KIF1B: variants seen among roughly 807,000 people sequenced by gnomAD.
KIF1B encodes the protein kinesin-like protein KIF1B.
Under a neutral mutation model 241.9 loss-of-function variants are expected in KIF1B, and 76 were observed. The observed-to-expected ratio is 0.31, with a 90% CI of 0.26 to 0.38. The LOEUF (loss-of-function observed/expected upper bound fraction) is 0.38, where lower values mean the gene tolerates loss of function less well. Among genes scored for constraint, KIF1B ranks in the 10% least tolerant of loss-of-function variants. The pLI is 1.00. For missense variants in KIF1B, 1,622 were observed against 2,271.4 expected (o/e 0.71, Z 5.81); for synonymous variants, 750 against 796.7 (o/e 0.94, Z 0.99).
At chr1:10,370,556 C>T (rs1638700789) in intron 44 of KIF1B, among the ~76,000 whole-genome samples, 1 of 148,000 alleles carries the variant, frequency 6.8e-6, no homozygotes, top group Non-Finnish European at 1.5e-5. Context: ...ATAGCAAGAC[C>T]TTATCTCGAA....
rs1004120665 is a variant in KIF1B, at chr1:10,303,007, GT to G, written c.2115+5769del. ...TAATAGACTTCCACATTATTGAGGG[GT>G]TTTTTTTGGTTTTGTTTTGTTTTTT... On this transcript the variant is annotated intron_variant, in intron 22 of 48. Coordinates refer to ENST00000676179, the MANE Select transcript of KIF1B (RefSeq NM_001365951.3). The surrounding 1 kb of genome is among the most constrained non-coding windows in gnomAD (Gnocchi z 5.2). Among the ~76,000 whole-genome samples the G allele has an allele frequency of 1.3e-5, 2 of 151,576 alleles. No homozygotes were observed. Among genetic ancestry groups the G allele is most frequent in the African/African-American group, 4.8e-5 (2 of 41,328 alleles).
chr1:10,304,680 G>A, intron 22 of KIF1B: 1 of 1,611,868 alleles, frequency 6.2e-7, no homozygotes, highest in Non-Finnish European at 8.5e-7. Flanking sequence ...AATCATGGTG[G>A]AAGAAACAGA....
In KIF1B at chr1:10,337,285, T is replaced by C. The variant is rs535392246; in HGVS notation, c.3259+82T>C. 8 of 1,611,726 alleles carry C rather than the reference T, an allele frequency of 5.0e-6. No homozygotes were observed. The East Asian group carries it at 1.8e-4, about 36-fold the overall frequency. On this transcript the variant is annotated intron_variant, in intron 30 of 48. Transcript: ENST00000676179. This position sits in a 1 kb window ranked among gnomAD's most constrained non-coding sequence, Gnocchi z 4.0. The stretch of plus-strand genomic sequence containing the variant: ...ACCATTATCAAGGGACATAGTGGCC[T>C]TCATCAACTAGGAATGGAAAGCATG...
At chr1:10,340,419 C>T (rs888993089) in intron 32 of KIF1B, among the ~76,000 whole-genome samples, 4 of 152,182 alleles carry the variant, frequency 2.6e-5, no homozygotes. Flanking sequence ...ATCACAATAG[C>T]TAATATTCAC....
intron 34 of KIF1B, among the ~76,000 whole-genome samples, chr1:10,344,549 A>G (rs1039928140): frequency 2.0e-5 from 3 of 152,134 alleles, no homozygotes; most frequent in Non-Finnish European, 4.4e-5. Context: ...TTGCAATAGT[A>G]TTTTTAATTT....
intron 38 of KIF1B, among the ~76,000 whole-genome samples, chr1:10,357,720 T>G (rs1638291629): frequency 6.8e-6 from 1 of 147,002 alleles, no homozygotes; most frequent in African/African-American, 2.5e-5. Context: ...TGTCTAAAAA[T>G]AAAATAGGCC....
At chr1:10,367,255 CT>C (rs1461462208) in intron 43 of KIF1B, among the ~76,000 whole-genome samples, 3 of 151,402 alleles carry the variant, frequency 2.0e-5, no homozygotes, top group Non-Finnish European at 4.4e-5. Flanking sequence ...GCCACCACAC[CT>C]GGCTAATTTT....
In KIF1B at chr1:10,365,088, C is replaced by T. The variant is rs1638530251; in HGVS notation, c.4367-12C>T. 3 of 1,612,344 alleles carry T rather than the reference C, an allele frequency of 1.9e-6. No individual in the cohort carries two copies. The highest frequency in any genetic ancestry group is 2.5e-6 in the Non-Finnish European group (3 of 1,179,190). ...TTTTTCTGAAACAAAAACTTGTTTC[C>T]TCTTGTCTTAGGTATGCAGAGAAGG... On this transcript the variant is annotated splice_polypyrimidine_tract_variant and intron_variant, in intron 41 of 48. Coordinates refer to ENST00000676179, the MANE Select transcript of KIF1B (RefSeq NM_001365951.3). The surrounding 1 kb of genome is among the most constrained non-coding windows in gnomAD (Gnocchi z 4.0).
chr1:10,358,640 G>C (rs902937615), intron 38 of KIF1B, among the ~76,000 whole-genome samples: 1 of 144,452 alleles, frequency 6.9e-6, no homozygotes, highest in Non-Finnish European at 1.5e-5. Context: ...CCAAGATCAT[G>C]CCACCCTACT....
chr1:10,365,253 G>A lies in KIF1B; in HGVS notation c.4512+8G>A, dbSNP rs1203024685. The stretch of plus-strand genomic sequence containing the variant: ...CTGGAGCTCCTACATGAGGTATCCA[G>A]GGGCAGGGTTGTTCAGATGCAAGAA... On this transcript the variant is annotated splice_region_variant and intron_variant, in intron 42 of 48. Coordinates refer to ENST00000676179, the MANE Select transcript of KIF1B (RefSeq NM_001365951.3). This position sits in a 1 kb window ranked among gnomAD's most constrained non-coding sequence, Gnocchi z 4.0. 5 of 1,613,836 alleles carry A rather than the reference G, an allele frequency of 3.1e-6. No homozygotes were observed. The Admixed American group carries it at 5.0e-5, about 16-fold the overall frequency.
Position 10,210,618 on chromosome 1 carries a change from T to C in KIF1B, c.-340T>C, listed in dbSNP as rs1237172114. Among the ~76,000 whole-genome samples the C allele has an allele frequency of 6.6e-6, 1 of 151,618 alleles. No homozygotes were observed. The highest frequency in any genetic ancestry group is 2.4e-5 in the African/African-American group (1 of 41,352). On this transcript the variant is annotated 5_prime_UTR_variant, in exon 1 of 49. Coordinates refer to ENST00000676179, the MANE Select transcript of KIF1B (RefSeq NM_001365951.3). This position sits in a 1 kb window ranked among gnomAD's most constrained non-coding sequence, Gnocchi z 4.1. ...AGGCGCCCGCGCGCGTCGGAGCAGC[T>C]CCCCGTCCTCCGCAGCCGTCACCGC...
chr1:10,354,906 A>C (rs1250510044), intron 38 of KIF1B, among the ~76,000 whole-genome samples: 7 of 152,218 alleles, frequency 4.6e-5, no homozygotes, highest in Admixed American at 1.3e-4. Context: ...TTTAAAGTTG[A>C]ACTTACCTGC....
intron 36 of KIF1B, 113 bp from the exon 37 acceptor site, chr1:10,348,536 A>G: frequency 1.3e-6 from 1 of 781,128 alleles, no homozygotes; most frequent in South Asian, 1.5e-5. Context: ...CCGTCTTTCC[A>G]CACCTCTCCT....
At chr1:10,311,952 G>A (rs772853560) in intron 22 of KIF1B, among the ~76,000 whole-genome samples, 22 of 151,426 alleles carry the variant, frequency 1.5e-4, no homozygotes, top group Non-Finnish European at 2.8e-4. Flanking sequence ...GGTAGGTATT[G>A]CTTATTCCCT....
rs1648567363 is a variant in KIF1B, at chr1:10,268,045, T to TAATA, written c.609-105_609-104insTAAA. The TAATA allele has an allele frequency of 3.9e-6, 3 of 778,832 alleles. No individual in the cohort carries two copies. In the Admixed American group the frequency reaches 6.0e-5, roughly 16 times the overall value. 48.2% of individuals were successfully genotyped at this position (778,832 alleles called of 1,614,324 possible). On this transcript the variant is annotated intron_variant, in intron 6 of 48. Coordinates refer to ENST00000676179, the MANE Select transcript of KIF1B (RefSeq NM_001365951.3). ...CAATCTTGCAATCTGTGAATAAGTT[T>TAATA]AAGACTATTGCTTGTGATTGTTATG...
chr1:10,309,059 C>G (rs1341027246), intron 22 of KIF1B, among the ~76,000 whole-genome samples: 3 of 152,068 alleles, frequency 2.0e-5, no homozygotes, highest in African/African-American at 7.2e-5. Flanking sequence ...TTTTCTTCAC[C>G]CAGAGTATTG....
rs199611419 is a variant in KIF1B, at chr1:10,365,540, G to A, written c.4644G>A (p.Gln1548=). Residue 1548 remains glutamine, a synonymous_variant, in exon 43 of 49, where the codon CAG becomes CAA. Coordinates refer to ENST00000676179, the MANE Select transcript of KIF1B (RefSeq NM_001365951.3). The surrounding 1 kb of genome is among the most constrained non-coding windows in gnomAD (Gnocchi z 4.0). ...TLSTSTSISS[Q]ISTTTFESAI... ...GCACCTCCACCAGTATCTCCTCTCA[G>A]ATCTCAACCACTACCTTTGAAAGCG... is the stretch of plus-strand genomic sequence containing the variant. The A allele has an allele frequency of 8.1e-6, 13 of 1,613,990 alleles. No homozygotes were observed. The Admixed American group carries it at 1.8e-4, about 23-fold the overall frequency.
chr1:10,313,052 TTTTTG>T (rs1200541352), intron 22 of KIF1B, among the ~76,000 whole-genome samples: 2 of 151,388 alleles, frequency 1.3e-5, no homozygotes, highest in African/African-American at 4.9e-5. Context: ...CATCTTTATT[TTTTTG>T]TTTTGTTTTG....
Position 10,264,309 on chromosome 1 carries a change from AAG to A in KIF1B, c.429+2343_429+2344del, listed in dbSNP as rs547416870. 5.9e-5 allele frequency among the ~76,000 whole-genome samples: 9 copies of A among 152,340 alleles called. No homozygotes were observed. In the South Asian group the frequency reaches 1.9e-3, roughly 32 times the overall value. ...ACCAATTGCCTAGAACAGTGCCTGT[AAG>A]AGAACGGTCCTCAGTGAGTTGGATC... On this transcript the variant is annotated intron_variant, in intron 5 of 48. Coordinates refer to ENST00000676179, the MANE Select transcript of KIF1B (RefSeq NM_001365951.3).
Sources: allele counts gnomAD v4.1 joint callset (sites outside exome capture counted in the v4.1 genomes callset), GRCh38; gene constraint gnomAD v4.1.1; non-coding constraint Gnocchi (gnomAD v3.1); transcripts MANE v1.5; gene names NCBI Gene and HGNC (gene_info 2026-07-23, HGNC 2026-07-21).